LRRC69: variants seen among roughly 807,000 people sequenced by gnomAD.
The protein encoded by LRRC69 is leucine-rich repeat-containing protein 69.
LRRC69 carries 42 observed loss-of-function variants against 37.8 expected under a neutral mutation model. The observed-to-expected ratio is 1.11, with a 90% CI of 0.87 to 1.44. The LOEUF (loss-of-function observed/expected upper bound fraction) is 1.44. LRRC69 is among the 40% of genes most tolerant of loss of function. The probability of loss-of-function intolerance (pLI) is 0.00; values close to 1 mark genes in which losing one functional copy is unlikely to be tolerated. For synonymous variants in LRRC69, 141 were observed against 143.1 expected (o/e 0.99, Z 0.11); for missense variants, 357 against 401.9 (o/e 0.89, Z 0.96).
At chr8:91,168,938 A>G (rs1809076723) in intron 5 of LRRC69, among the ~76,000 whole-genome samples, 1 of 151,952 alleles carries the variant, frequency 6.6e-6, no homozygotes, top group Non-Finnish European at 1.5e-5. Flanking sequence ...GAATCATAAT[A>G]ATGTGAGTGA....
At chr8:91,173,482 G>A (rs1318945461) in intron 5 of LRRC69, among the ~76,000 whole-genome samples, 1 of 152,088 alleles carries the variant, frequency 6.6e-6, no homozygotes, top group African/African-American at 2.4e-5. Flanking sequence ...TTTGGCATGG[G>A]AAGGAGGGAC....
chr8:91,127,774 G>A (rs1586233403), intron 3 of LRRC69, among the ~76,000 whole-genome samples: 2 of 151,988 alleles, frequency 1.3e-5, no homozygotes, highest in East Asian at 3.9e-4. Context: ...GGTTTACTTT[G>A]GAGACTCCCT....
chr8:91,158,493 T>C, intron 5 of LRRC69: 1 of 1,124,656 alleles, frequency 8.9e-7, no homozygotes, highest in Non-Finnish European at 1.4e-6. Context: ...GGCCTCACAA[T>C]GCACATGGGA....
chr8:91,197,714 C>T (rs949057189), intron 6 of LRRC69, among the ~76,000 whole-genome samples: 2 of 152,008 alleles, frequency 1.3e-5, no homozygotes, highest in Non-Finnish European at 2.9e-5. Context: ...GCGCACGGTG[C>T]GCGCACCCAC....
At chr8:91,110,961 G>A (rs930466929) in intron 1 of LRRC69, among the ~76,000 whole-genome samples, 4 of 152,048 alleles carry the variant, frequency 2.6e-5, no homozygotes, top group African/African-American at 9.6e-5. Flanking sequence ...AAAAACTGAT[G>A]TGGAGCCATA....
chr8:91,174,459 A>T (rs1220035849), intron 5 of LRRC69, among the ~76,000 whole-genome samples: 1 of 152,206 alleles, frequency 6.6e-6, no homozygotes, highest in Non-Finnish European at 1.5e-5. Flanking sequence ...ATGGAAACCA[A>T]GCCATAAGCT....
chr8:91,189,096 C>A (rs1672197713), intron 5 of LRRC69, among the ~76,000 whole-genome samples: 1 of 152,168 alleles, frequency 6.6e-6, no homozygotes, highest in Admixed American at 6.5e-5. Flanking sequence ...ATAAATGGAT[C>A]ATAAGACAGT....
chr8:91,155,880 T>C (rs577964256), intron 5 of LRRC69, among the ~76,000 whole-genome samples: 5 of 147,634 alleles, frequency 3.4e-5, no homozygotes, highest in African/African-American at 1.2e-4. Context: ...TATATATATA[T>C]ACACAACATA....
chr8:91,127,270 T>C (rs1005851123), intron 3 of LRRC69, 110 bp downstream of exon 3: 84 of 759,192 alleles, frequency 1.1e-4, no homozygotes, highest in Admixed American at 2.3e-4. Flanking sequence ...GATTTATACA[T>C]AGCAAAGAGG....
intron 7 of LRRC69, among the ~76,000 whole-genome samples, chr8:91,211,142 A>G (rs1809907936): frequency 6.6e-6 from 1 of 152,152 alleles, no homozygotes; most frequent in Admixed American, 6.5e-5. Context: ...TTATATGTGT[A>G]GATACATTGA....
At chr8:91,219,010 G>C (rs1291953750), downstream of LRRC69, 1 of 1,490,584 alleles carries the variant, frequency 6.7e-7, no homozygotes, top group East Asian at 2.5e-5. Flanking sequence ...GAACAGGTGA[G>C]GTGCTCATTC....
At chr8:91,120,025 A>T (rs1586229049) in intron 1 of LRRC69, among the ~76,000 whole-genome samples, 1 of 151,660 alleles carries the variant, frequency 6.6e-6, no homozygotes, top group South Asian at 2.1e-4. Flanking sequence ...ACTATCATTT[A>T]TCTTGGGGGT....
chr8:91,157,221 A>G, intron 5 of LRRC69: 2 of 1,157,972 alleles, frequency 1.7e-6, no homozygotes, highest in South Asian at 1.3e-5. Flanking sequence ...TAATCACTTT[A>G]ACATTATGAA....
At chr8:91,171,276 C>A (rs563132817) in intron 5 of LRRC69, among the ~76,000 whole-genome samples, 1 of 139,280 alleles carries the variant, frequency 7.2e-6, no homozygotes, top group African/African-American at 2.7e-5. Context: ...CCTCCTCTTA[C>A]CCCCCATGAA....
intron 6 of LRRC69, among the ~76,000 whole-genome samples, chr8:91,197,640 G>A (rs536971938): frequency 2.0e-5 from 3 of 152,278 alleles, no homozygotes; most frequent in African/African-American, 7.2e-5. Context: ...CTTTGACTAG[G>A]AAAGGGAACT....
intron 5 of LRRC69, among the ~76,000 whole-genome samples, chr8:91,146,870 A>C (rs4524748): frequency 0.47 from 70,512 of 151,344 alleles, 18,020 homozygotes; most frequent in South Asian, 0.65. Flanking sequence ...TGGTTGTGAA[A>C]ACTGAGGAGT....
intron 7 of LRRC69, among the ~76,000 whole-genome samples, chr8:91,204,776 G>C (rs1341894771): frequency 2.0e-5 from 3 of 152,142 alleles, no homozygotes; most frequent in Admixed American, 6.5e-5. Flanking sequence ...CACTACTTAG[G>C]TTCAGAGATA....
At chr8:91,153,201 A>G (rs1391658073) in intron 5 of LRRC69, among the ~76,000 whole-genome samples, 1 of 151,404 alleles carries the variant, frequency 6.6e-6, no homozygotes, top group South Asian at 2.1e-4. Flanking sequence ...ATACAGGAGG[A>G]CCCAGATTTG....
At chr8:91,158,868 A>T (rs1808886131) in intron 5 of LRRC69, 2 of 623,136 alleles carry the variant, frequency 3.2e-6, no homozygotes, top group African/African-American at 3.7e-5. Flanking sequence ...TTGAAAGAAG[A>T]CTGGAAACAT....
Sources: gnomAD v4.1 joint callset for allele counts (sites outside exome capture counted in the v4.1 genomes callset) on GRCh38, gnomAD v4.1.1 for gene constraint, MANE v1.5 for transcripts, NCBI Gene and HGNC (gene_info 2026-07-23, HGNC 2026-07-21) for gene names.